The following GLI2 variants were observed in gnomAD, a reference collection of about 807,000 sequenced individuals.
The protein encoded by GLI2 is GLI family zinc finger 2.
In GLI2, 22 loss-of-function variants were observed where a neutral mutation model predicts 78.9. The observed-to-expected ratio is 0.28, with a 90% CI of 0.20 to 0.40. The LOEUF (loss-of-function observed/expected upper bound fraction) is 0.40. Among genes scored for constraint, GLI2 ranks in the 10% least tolerant of loss-of-function variants. The pLI is 1.00. For missense variants in GLI2, 2,097 were observed against 2,213.2 expected, an observed-to-expected ratio of 0.95 and a Z score of 1.05; for synonymous variants, 974 against 963.7, an observed-to-expected ratio of 1.01 and a Z score of -0.20.
chr2:120,741,137 G>A (rs1356759131), intron 1 of GLI2, among the ~76,000 whole-genome samples: 4 of 152,196 alleles, frequency 2.6e-5, no homozygotes, highest in Non-Finnish European at 5.9e-5. Flanking sequence ...TTTGAGTGCT[G>A]GGCCTTCCCT....
At chr2:120,858,681 A>G (rs1687769209) in intron 2 of GLI2, among the ~76,000 whole-genome samples, 1 of 152,170 alleles carries the variant, frequency 6.6e-6, no homozygotes, top group Non-Finnish European at 1.5e-5. Flanking sequence ...GAGGCTGGTT[A>G]TCCATAAGCA....
chr2:120,800,201 C>G lies in GLI2; in HGVS notation c.148+2733C>G, dbSNP rs1445953554. The stretch of plus-strand genomic sequence containing the variant: ...AGGGACAGTGCCGCAGGGTGCACCC[C>G]GGGTGGATGCAAGGGTGTGGGGAGC... On this transcript the variant is annotated intron_variant, in intron 2 of 13. Transcript: ENST00000361492. This position sits in a 1 kb window ranked among gnomAD's most constrained non-coding sequence, Gnocchi z 4.1. 6.6e-6 allele frequency among the ~76,000 whole-genome samples: 1 copy of G among 152,072 alleles called. No individual in the cohort carries two copies. Among genetic ancestry groups the G allele is most frequent in the Non-Finnish European group, 1.5e-5 (1 of 68,012 alleles).
chr2:120,953,797 G>A (rs1233122040), intron 4 of GLI2, among the ~76,000 whole-genome samples: 1 of 152,150 alleles, frequency 6.6e-6, no homozygotes, highest in Non-Finnish European at 1.5e-5. Flanking sequence ...CCTGCAGTGA[G>A]CTAGGATCGC....
intron 5 of GLI2, among the ~76,000 whole-genome samples, chr2:120,961,580 T>A (rs1401697570): frequency 6.6e-6 from 1 of 152,162 alleles, no homozygotes; most frequent in Non-Finnish European, 1.5e-5. Flanking sequence ...TAGGCCGTGG[T>A]CCTGGCAACT....
At chr2:120,767,107 T>C (rs1353561394) in intron 1 of GLI2, among the ~76,000 whole-genome samples, 1 of 152,194 alleles carries the variant, frequency 6.6e-6, no homozygotes, top group Non-Finnish European at 1.5e-5. Context: ...TACAGCAGGC[T>C]CTAACCGACC....
At chr2:120,816,881 A>G (rs1219904266) in intron 2 of GLI2, among the ~76,000 whole-genome samples, 1 of 152,248 alleles carries the variant, frequency 6.6e-6, no homozygotes, top group African/African-American at 2.4e-5. Flanking sequence ...ATGCTGCACC[A>G]AAACACGACA....
intron 2 of GLI2, among the ~76,000 whole-genome samples, chr2:120,913,699 C>G (rs1004891407): frequency 5.3e-5 from 8 of 152,142 alleles, no homozygotes; most frequent in African/African-American, 1.7e-4. Context: ...TTTGTCATTC[C>G]CCTGTTGATT....
intron 2 of GLI2, among the ~76,000 whole-genome samples, chr2:120,852,460 C>T (rs1393955106): frequency 6.6e-6 from 1 of 152,176 alleles, no homozygotes; most frequent in African/African-American, 2.4e-5. Context: ...TCCGACAGGA[C>T]CCCCAGATGA....
chr2:120,952,202 G>A (rs573321800), intron 4 of GLI2, among the ~76,000 whole-genome samples: 5 of 152,308 alleles, frequency 3.3e-5, no homozygotes, highest in South Asian at 2.1e-4. Context: ...GCATGGCCCC[G>A]TGCCGCCCCT....
chr2:120,820,313 C>A (rs1488933394), intron 2 of GLI2, among the ~76,000 whole-genome samples: 1 of 152,206 alleles, frequency 6.6e-6, no homozygotes, highest in Non-Finnish European at 1.5e-5. Context: ...CTGTCGCCCT[C>A]GTATTTGCTC....
chr2:120,778,362 C>T (rs954247118), intron 1 of GLI2, among the ~76,000 whole-genome samples: 1 of 152,202 alleles, frequency 6.6e-6, no homozygotes, highest in Non-Finnish European at 1.5e-5. Flanking sequence ...TCCTGTGACT[C>T]AGAGTGCTCC....
intron 1 of GLI2, among the ~76,000 whole-genome samples, chr2:120,782,390 G>A (rs1213741407): frequency 6.6e-6 from 1 of 152,204 alleles, no homozygotes. Flanking sequence ...TGCCTTCTGT[G>A]TGTGGGGTGC....
intron 2 of GLI2, among the ~76,000 whole-genome samples, chr2:120,881,683 GGGGAGGATAGTC>G: frequency 1.2e-5 from 1 of 86,724 alleles, no homozygotes; most frequent in Non-Finnish European, 2.3e-5. Flanking sequence ...CGGCAGGTGG[GGGGAGGATAGTC>G]GGGAGGACAG....
chr2:120,824,856 G>A (rs892810044), intron 2 of GLI2, among the ~76,000 whole-genome samples: 1 of 152,146 alleles, frequency 6.6e-6, no homozygotes, highest in African/African-American at 2.4e-5. Context: ...TTTGTCTTGA[G>A]ACAGGTTATC....
intron 3 of GLI2, among the ~76,000 whole-genome samples, chr2:120,948,453 C>T (rs934178371): frequency 1.3e-5 from 2 of 152,152 alleles, no homozygotes; most frequent in Non-Finnish European, 2.9e-5. Context: ...TCTACCTTCC[C>T]CAAATGGTGG....
intron 2 of GLI2, among the ~76,000 whole-genome samples, chr2:120,868,809 G>A (rs114425849): frequency 0.014 from 2,091 of 152,306 alleles, 58 homozygotes; most frequent in African/African-American, 0.047. Flanking sequence ...TGTGCATTTT[G>A]TGGGGAGACT....
intron 2 of GLI2, among the ~76,000 whole-genome samples, chr2:120,801,169 C>T (rs930843824): frequency 6.6e-6 from 1 of 152,126 alleles, no homozygotes; most frequent in African/African-American, 2.4e-5. Context: ...GACAGAGTCT[C>T]ACTCTGTCGC....
intron 2 of GLI2, among the ~76,000 whole-genome samples, chr2:120,821,292 G>T (rs1685762680): frequency 6.6e-6 from 1 of 152,158 alleles, no homozygotes; most frequent in Non-Finnish European, 1.5e-5. Flanking sequence ...CCTGGTGTGC[G>T]ATCTGTTTTC....
chr2:120,882,838 G>A (rs982408922), intron 2 of GLI2, among the ~76,000 whole-genome samples: 1 of 152,000 alleles, frequency 6.6e-6, no homozygotes, highest in Non-Finnish European at 1.5e-5. Context: ...TTATGAAGGT[G>A]TAAATTACAT....
Sources: allele counts gnomAD v4.1 joint callset (sites outside exome capture counted in the v4.1 genomes callset), GRCh38; gene constraint gnomAD v4.1.1; non-coding constraint Gnocchi (gnomAD v3.1); transcripts MANE v1.5; gene names NCBI Gene and HGNC (gene_info 2026-07-23, HGNC 2026-07-21).